The following LPA variants were observed in gnomAD, a reference collection of about 807,000 sequenced individuals.
The protein encoded by LPA is apolipoprotein(a).
Under a neutral mutation model 197.9 loss-of-function variants are expected in LPA, and 199 were observed. The observed-to-expected ratio is 1.01, with a 90% confidence interval of 0.90 to 1.13. LPA has a LOEUF of 1.13. LPA is among the 50% of genes most tolerant of loss of function. The probability of loss-of-function intolerance (pLI) is 0.00; values close to 1 mark genes in which losing one functional copy is unlikely to be tolerated. For synonymous variants in LPA, 715 were observed against 639.5 expected, an observed-to-expected ratio of 1.12 and a Z score of -1.78; for missense variants, 1,853 against 1,785.8, an observed-to-expected ratio of 1.04 and a Z score of -0.68.
chr6:160,650,793 G>A (rs1025784267), intron 1 of LPA, among the ~76,000 whole-genome samples: 9 of 152,248 alleles, frequency 5.9e-5, no homozygotes, highest in Admixed American at 2.6e-4. Flanking sequence ...TCTTCTTAAT[G>A]TTCATGAGGA....
Position 160,578,426 on chromosome 6 carries a change from A to T in LPA, c.4471+97T>A, listed in dbSNP as rs948545811. 2.0e-6 allele frequency: 3 copies of T among 1,492,294 alleles called. No homozygotes were observed. In the Admixed American group the frequency reaches 5.0e-5, roughly 25 times the overall value. The allele number at this position is 1,492,294 out of a possible 1,614,324, so 92.4% of individuals were successfully genotyped here. A position where few individuals can be genotyped will look rare whatever the true frequency, so the allele number is the denominator to read the frequency against. The stretch of plus-strand genomic sequence containing the variant: ...CTTTCCTCCACATTGCAGACCCTCA[A>T]CCAACCCTCCAGTGTACCACTGAAG... On this transcript the variant is annotated intron_variant, in intron 27 of 38. Transcript: ENST00000316300.
intron 30 of LPA, among the ~76,000 whole-genome samples, chr6:160,554,897 C>A (rs1778228660): frequency 1.3e-5 from 2 of 152,132 alleles, no homozygotes; most frequent in Non-Finnish European, 2.9e-5. Context: ...GCTCCAATTC[C>A]TTGCCCTTCA....
chr6:160,545,129 G>T (rs553985148), intron 33 of LPA, among the ~76,000 whole-genome samples: 4 of 151,720 alleles, frequency 2.6e-5, no homozygotes, highest in Admixed American at 2.6e-4. Flanking sequence ...TGCATCCCAC[G>T]CTAGACAAAG....
chr6:160,595,578 G>A (rs764218090), intron 20 of LPA, 43 bp from the exon 21 acceptor site: 19 of 1,613,594 alleles, frequency 1.2e-5, no homozygotes, highest in Non-Finnish European at 1.6e-5. Context: ...GATGGGAGAA[G>A]ATTCAAGGGC....
chr6:160,652,665 C>T (rs1224450665), intron 1 of LPA, among the ~76,000 whole-genome samples: 2 of 152,058 alleles, frequency 1.3e-5, no homozygotes, highest in East Asian at 1.9e-4. Flanking sequence ...GTCATAATCA[C>T]TTTAAAAAAC....
At chr6:160,652,565 A>C (rs949219252) in intron 1 of LPA, among the ~76,000 whole-genome samples, 2 of 152,158 alleles carry the variant, frequency 1.3e-5, no homozygotes, top group Admixed American at 1.3e-4. Context: ...TCACAGAAAG[A>C]ATGTGACTCC....
At chr6:160,610,040 T>A (rs904203811) in intron 16 of LPA, among the ~76,000 whole-genome samples, 1 of 152,190 alleles carries the variant, frequency 6.6e-6, no homozygotes, top group Non-Finnish European at 1.5e-5. Context: ...GCACTTTTTT[T>A]AAATATCTGA....
At position 160,541,315 on chromosome 6, in the gene LPA, C is replaced by T. The variant is rs752670003; in HGVS notation, c.5520-134G>A. ...CCCAAAGCAAAGGACTACCGCCCAA[C>T]GTCAGGATAGTAGAAACTTCGAGCT... On this transcript the variant is annotated intron_variant, in intron 34 of 38. Coordinates refer to ENST00000316300, the MANE Select transcript of LPA (RefSeq NM_005577.4). The T allele has an allele frequency of 6.2e-5, 45 of 725,356 alleles. No individual in the cohort carries two copies. The Middle Eastern group carries it at 1.6e-3, about 27-fold the overall frequency. The allele number at this position is 725,356 out of a possible 1,614,324, so 44.9% of individuals were successfully genotyped here.
intron 28 of LPA, among the ~76,000 whole-genome samples, chr6:160,571,854 G>A (rs1298763722): frequency 6.6e-6 from 1 of 152,156 alleles, no homozygotes; most frequent in East Asian, 1.9e-4. Context: ...TTAGCTCCCT[G>A]GCTTCAGCCC....
At position 160,593,999 on chromosome 6, in the gene LPA, T is replaced by G. The variant is rs374080583; in HGVS notation, c.3588A>C (p.Thr1196=). ...CTGTTGTCCTCTGATGCCAGTGTGG[T>G]GTCATAGAGGACCAAGACTGACATG... ...GRTCQSWSSM[T]PHWHQRTTEY... Residue 1196 remains threonine (T), a synonymous_variant, in exon 22 of 39, where the codon ACA becomes ACC. Coordinates refer to ENST00000316300, the MANE Select transcript of LPA (RefSeq NM_005577.4). The G allele has an allele frequency of 6.2e-7, 1 of 1,613,856 alleles. No homozygotes were observed. Among genetic ancestry groups the G allele is most frequent in the Non-Finnish European group, 8.5e-7 (1 of 1,179,886 alleles).
chr6:160,610,543 A>T (rs1779475051), intron 16 of LPA, among the ~76,000 whole-genome samples: 1 of 152,126 alleles, frequency 6.6e-6, no homozygotes. Context: ...TTCTCAGTAA[A>T]TGTTCTTTGC....
intron 28 of LPA, among the ~76,000 whole-genome samples, chr6:160,561,421 T>TAC (rs1778360099): frequency 1.3e-5 from 2 of 152,218 alleles, no homozygotes; most frequent in Non-Finnish European, 1.5e-5. Flanking sequence ...GTTCTATTGG[T>TAC]CTATATATCT....
intron 26 of LPA, among the ~76,000 whole-genome samples, chr6:160,584,221 CTTCTTCTTCTTCTTCT>C (rs1562331197): frequency 8.5e-5 from 10 of 118,142 alleles, no homozygotes; most frequent in South Asian, 7.7e-4. Context: ...TCTTCTTCTT[CTTCTTCTTCTTCTTCT>C]TCCTCCTCCT....
chr6:160,567,249 G>A (rs557417952), intron 28 of LPA, among the ~76,000 whole-genome samples: 2 of 152,158 alleles, frequency 1.3e-5, no homozygotes, highest in Non-Finnish European at 2.9e-5. Context: ...TGGAAGTGAG[G>A]CATTCCTCAG....
At chr6:160,607,111 G>C (rs1420138594) in intron 16 of LPA, among the ~76,000 whole-genome samples, 1 of 151,952 alleles carries the variant, frequency 6.6e-6, no homozygotes, top group Non-Finnish European at 1.5e-5. Context: ...GCAACTAACA[G>C]GTAGTTCTTC....
chr6:160,662,812 AG>A (rs1251578614), intron 1 of LPA, among the ~76,000 whole-genome samples: 5 of 152,224 alleles, frequency 3.3e-5, no homozygotes, highest in African/African-American at 1.2e-4. Context: ...GGTAATTTAT[AG>A]ATTAAATTGC....
At chr6:160,607,430 G>A (rs1779381566) in intron 16 of LPA, among the ~76,000 whole-genome samples, 1 of 152,142 alleles carries the variant, frequency 6.6e-6, no homozygotes, top group African/African-American at 2.4e-5. Flanking sequence ...GGGAAAGGGG[G>A]ATGAGTTGAA....
intron 33 of LPA, 60 bp downstream of exon 33, chr6:160,545,380 T>TG: frequency 2.3e-6 from 3 of 1,291,710 alleles, no homozygotes; most frequent in East Asian, 2.3e-5. Flanking sequence ...TTTTTTGCTT[T>TG]TTTTTTTCCA....
intron 14 of LPA, among the ~76,000 whole-genome samples, chr6:160,615,394 C>T (rs1160457326): frequency 1.9e-5 from 2 of 106,454 alleles, no homozygotes; most frequent in Non-Finnish European, 3.7e-5. Context: ...GTAGCTCATT[C>T]TGTAGGTTCT....
Sources: allele counts gnomAD v4.1 joint callset (sites outside exome capture counted in the v4.1 genomes callset), GRCh38; gene constraint gnomAD v4.1.1; transcripts MANE v1.5; gene names NCBI Gene and HGNC (gene_info 2026-07-23, HGNC 2026-07-21).